PTPRD: variants seen among roughly 807,000 people sequenced by gnomAD.
PTPRD encodes the protein protein tyrosine phosphatase receptor type D, also known as receptor-type tyrosine-protein phosphatase delta.
A neutral mutation model predicts 214.5 loss-of-function variants in PTPRD; 34 were observed. That is an observed-to-expected ratio of 0.16 (90% CI 0.12 to 0.21). The LOEUF (loss-of-function observed/expected upper bound fraction) is 0.21. Ranked by LOEUF, PTPRD falls within the 10% of genes least tolerant of loss-of-function variation. The probability of loss-of-function intolerance (pLI) is 1.00; values close to 1 mark genes in which losing one functional copy is unlikely to be tolerated. For missense variants in PTPRD, 2,545 were observed against 2,398.7 expected (o/e 1.06, Z -1.27); for synonymous variants, 1,128 against 845.7 (o/e 1.33, Z -5.79).
chr9:8,782,358 C>G (rs1195669753), intron 11 of PTPRD, among the ~76,000 whole-genome samples: 2 of 151,978 alleles, frequency 1.3e-5, no homozygotes, highest in African/African-American at 4.8e-5. Flanking sequence ...TGAAAATATT[C>G]AAAATCTACT....
intron 8 of PTPRD, among the ~76,000 whole-genome samples, chr9:9,552,334 C>T (rs1448095494): frequency 4.0e-5 from 6 of 151,798 alleles, no homozygotes; most frequent in Admixed American, 2.6e-4. Context: ...TGGATAATTT[C>T]GCAGTCAATT....
At chr9:8,980,645 A>G (rs1025114736) in intron 11 of PTPRD, among the ~76,000 whole-genome samples, 10 of 152,100 alleles carry the variant, frequency 6.6e-5, no homozygotes, top group South Asian at 2.1e-4. Context: ...AAACAGATGG[A>G]ATTTTTCCAT....
At position 10,237,843 on chromosome 9, in the gene PTPRD, C is replaced by T. The variant is rs76798879; in HGVS notation, c.-545+103120G>A. On this transcript the variant is annotated intron_variant, in intron 3 of 45. Transcript: ENST00000381196. ...CCATGTTGGACCAGATTTCATCATG[C>T]AAATTAGCACCTATTACAAAGACTT... 2.2e-3 allele frequency among the ~76,000 whole-genome samples: 332 copies of T among 151,998 alleles called. 4 individuals are homozygous for T. Among genetic ancestry groups the T allele is most frequent in the African/African-American group, 7.6e-3 (317 of 41,510 alleles).
At chr9:9,570,582 G>A (rs1042581825) in intron 8 of PTPRD, among the ~76,000 whole-genome samples, 5 of 151,536 alleles carry the variant, frequency 3.3e-5, no homozygotes, top group African/African-American at 7.2e-5. Context: ...TTTTGGAATG[G>A]CTGGTGGAGG....
intron 9 of PTPRD, among the ~76,000 whole-genome samples, chr9:9,263,031 C>T (rs1235208377): frequency 6.6e-6 from 1 of 151,352 alleles, no homozygotes. Flanking sequence ...TCATATAATA[C>T]CAAGGGATTA....
In PTPRD at chr9:10,162,630, T is replaced by C. The variant is rs548559763; in HGVS notation, c.-544-128840A>G. On this transcript the variant is annotated intron_variant, in intron 3 of 45. Coordinates refer to ENST00000381196, the MANE Select transcript of PTPRD (RefSeq NM_002839.4). Reference sequence around the variant, plus strand: ...ACGTACGTATATACACATATATACATGTATATAAACATATATATACACATA... The same window carrying C: ...ACGTACGTATATACACATATATACACGTATATAAACATATATATACACATA... 6.0e-5 allele frequency among the ~76,000 whole-genome samples: 9 copies of C among 148,896 alleles called. No homozygotes were observed. The East Asian group carries it at 1.8e-3, about 29-fold the overall frequency.
At chr9:10,366,749 T>C (rs1411970388) in intron 2 of PTPRD, among the ~76,000 whole-genome samples, 1 of 152,200 alleles carries the variant, frequency 6.6e-6, no homozygotes, top group East Asian at 1.9e-4. Flanking sequence ...CTTGTTCATA[T>C]TTATTGCCAC....
rs772785604 is a variant in PTPRD at position 9,068,845 on chromosome 9, T to C, written c.-142-50110A>G. On this transcript the variant is annotated intron_variant, in intron 10 of 45. Coordinates refer to ENST00000381196, the MANE Select transcript of PTPRD (RefSeq NM_002839.4). ...CAGGATGGTCTCGATCTCCTGACCT[T>C]GTGATCTTCCCTCCTTGACCCCCCA... Among the ~76,000 whole-genome samples the C allele has an allele frequency of 3.7e-4, 57 of 152,184 alleles. 1 individual carries two copies. Among genetic ancestry groups the C allele is most frequent in the East Asian group, 7.8e-4 (4 of 5,156 alleles).
In PTPRD at chr9:8,331,575, A is replaced by AACTT. The variant is rs751733990; in HGVS notation, c.5534+3_5534+6dup. The AACTT allele has an allele frequency of 2.4e-5, 36 of 1,509,582 alleles. No individual in the cohort carries two copies. The highest frequency in any genetic ancestry group is 1.9e-4 in the East Asian group (8 of 41,048). The allele number at this position is 1,509,582 out of a possible 1,614,324, so 93.5% of individuals were successfully genotyped here. ...TATCACTGCTTTATTCACAAATGGA[A>AACTT]ACTTACCTGCAATGGACTGAAATGG... On this transcript the variant is annotated splice_region_variant and intron_variant, in intron 44 of 45. Coordinates refer to ENST00000381196, the MANE Select transcript of PTPRD (RefSeq NM_002839.4).
intron 14 of PTPRD, among the ~76,000 whole-genome samples, chr9:8,578,599 G>C (rs1347863213): frequency 1.3e-5 from 2 of 152,182 alleles, no homozygotes; most frequent in South Asian, 4.1e-4. Flanking sequence ...CTATGACATA[G>C]ATGGGGCTGA....
chr9:9,738,438 A>ATTTTTTTT (rs1564880927), intron 6 of PTPRD, among the ~76,000 whole-genome samples: 1 of 54,314 alleles, frequency 1.8e-5, no homozygotes, highest in African/African-American at 1.7e-4. Context: ...TCACTCACTC[A>ATTTTTTTT]CTTTTTTTTT....
intron 9 of PTPRD, among the ~76,000 whole-genome samples, chr9:9,315,485 G>C (rs563794711): frequency 2.6e-5 from 4 of 151,878 alleles, no homozygotes; most frequent in African/African-American, 9.7e-5. Flanking sequence ...CAATTCCAAA[G>C]TCTATGTTTT....
chr9:8,350,320 G>A (rs1251563278), intron 39 of PTPRD, among the ~76,000 whole-genome samples: 1 of 152,008 alleles, frequency 6.6e-6, no homozygotes, highest in Non-Finnish European at 1.5e-5. Flanking sequence ...AATAGAATTA[G>A]GATATTTCAC....
rs1260742257 is a variant in PTPRD at position 8,969,034 on chromosome 9, G to A, written c.-104+49663C>T. On this transcript the variant is annotated intron_variant, in intron 11 of 45. Coordinates refer to ENST00000381196, the MANE Select transcript of PTPRD (RefSeq NM_002839.4). ...TTAATTAAGAAGAAGATAGCAACTC[G>A]ATTAAAAAATAAGCAAACATAATGG... Among the ~76,000 whole-genome samples the A allele has an allele frequency of 6.6e-5, 10 of 152,012 alleles. No homozygotes were observed. In the East Asian group the frequency reaches 1.7e-3, roughly 27 times the overall value.
intron 11 of PTPRD, among the ~76,000 whole-genome samples, chr9:8,937,095 C>T (rs1278140286): frequency 1.3e-5 from 2 of 151,802 alleles, no homozygotes; most frequent in Admixed American, 6.6e-5. Flanking sequence ...GTTTTTTTAC[C>T]GCATCATAAT....
intron 5 of PTPRD, among the ~76,000 whole-genome samples, chr9:9,767,997 A>C (rs2098720376): frequency 6.6e-6 from 1 of 152,160 alleles, no homozygotes; most frequent in African/African-American, 2.4e-5. Flanking sequence ...ACAGCACAAA[A>C]TACAAGTGCA....
intron 2 of PTPRD, among the ~76,000 whole-genome samples, chr9:10,577,273 C>T (rs2069730020): frequency 6.6e-6 from 1 of 152,102 alleles, no homozygotes; most frequent in Admixed American, 6.5e-5. Flanking sequence ...TGTGTCTTTT[C>T]TTTAGTCAGT....
chr9:9,517,588 A>G (rs1052516951), intron 8 of PTPRD, among the ~76,000 whole-genome samples: 6 of 152,078 alleles, frequency 3.9e-5, no homozygotes, highest in African/African-American at 1.4e-4. Context: ...GAGTATTAGA[A>G]ACACTGGCAT....
chr9:9,991,576 G>C (rs1409743035), intron 4 of PTPRD, among the ~76,000 whole-genome samples: 2 of 151,662 alleles, frequency 1.3e-5, no homozygotes, highest in Non-Finnish European at 2.9e-5. Flanking sequence ...GGTCAGGCTG[G>C]TCTCGAACTC....
Sources: gnomAD v4.1 joint callset for allele counts (sites outside exome capture counted in the v4.1 genomes callset) on GRCh38, gnomAD v4.1.1 for gene constraint, MANE v1.5 for transcripts, NCBI Gene and HGNC (gene_info 2026-07-23, HGNC 2026-07-21) for gene names.